Variants in GNA12 observed in about 807,000 individuals in gnomAD.
The protein encoded by GNA12 is G protein subunit alpha 12.
A neutral mutation model predicts 26.0 loss-of-function variants in GNA12; 9 were observed. The observed-to-expected ratio is 0.35, with a 90% confidence interval of 0.21 to 0.60. The LOEUF (loss-of-function observed/expected upper bound fraction) is 0.60, where lower values mean the gene tolerates loss of function less well. Among genes scored for constraint, GNA12 ranks in the 20% least tolerant of loss-of-function variants. The pLI is 0.78. For missense variants in GNA12, 405 were observed against 525.8 expected, an observed-to-expected ratio of 0.77 and a Z score of 2.25; for synonymous variants, 264 against 219.6, an observed-to-expected ratio of 1.20 and a Z score of -1.79.
At chr7:2,786,695 A>G (rs1792369667) in intron 2 of GNA12, among the ~76,000 whole-genome samples, 1 of 152,202 alleles carries the variant, frequency 6.6e-6, no homozygotes, top group Non-Finnish European at 1.5e-5. Context: ...ATTAAACACT[A>G]ATCGAATGCT....
chr7:2,741,503 T>C (rs569582825), intron 2 of GNA12, among the ~76,000 whole-genome samples: 8 of 152,284 alleles, frequency 5.3e-5, no homozygotes, highest in African/African-American at 1.9e-4. Context: ...TTTCTACTTT[T>C]TGGGGAAATT....
chr7:2,761,528 G>C (rs1045831397), intron 2 of GNA12, among the ~76,000 whole-genome samples: 1 of 152,182 alleles, frequency 6.6e-6, no homozygotes, highest in African/African-American at 2.4e-5. Context: ...AAAAGAGCTG[G>C]AACGGACAGC....
At chr7:2,733,732 G>C (rs1562391840) in intron 2 of GNA12, among the ~76,000 whole-genome samples, 1 of 152,236 alleles carries the variant, frequency 6.6e-6, no homozygotes. Flanking sequence ...AATTCTGGCT[G>C]TTTTTCAATT....
intron 2 of GNA12, among the ~76,000 whole-genome samples, chr7:2,774,800 T>C (rs971759103): frequency 2.6e-5 from 4 of 152,150 alleles, no homozygotes; most frequent in East Asian, 1.9e-4. Flanking sequence ...TACTTGTTTT[T>C]CCCCCCTTTT....
rs565285771 is a variant in GNA12, at chr7:2,791,346, G to A, written c.525+3582C>T. Among the ~76,000 whole-genome samples the A allele has an allele frequency of 5.4e-4, 82 of 152,332 alleles. 1 individual carries two copies. Among genetic ancestry groups the A allele is most frequent in the Admixed American group, 2.0e-3 (30 of 15,306 alleles). ...CAGTGGACAGCAATGGCCAGGCATGGCAAGGGGCCAGTGGGGAAGGCGGCC... is the reference window on the plus strand; with the variant it reads ...CAGTGGACAGCAATGGCCAGGCATGACAAGGGGCCAGTGGGGAAGGCGGCC... On this transcript the variant is annotated intron_variant, in intron 2 of 3. Coordinates refer to ENST00000275364, the MANE Select transcript of GNA12 (RefSeq NM_007353.3).
intron 1 of GNA12, among the ~76,000 whole-genome samples, chr7:2,824,570 A>G (rs1437046912): frequency 2.0e-5 from 3 of 152,106 alleles, no homozygotes; most frequent in African/African-American, 7.2e-5. Context: ...TCTGTTTCCC[A>G]CACTAGAATG....
chr7:2,814,370 T>C (rs1438870946), intron 1 of GNA12: 3 of 1,598,950 alleles, frequency 1.9e-6, no homozygotes, highest in South Asian at 1.1e-5. Flanking sequence ...TCGGTTTCCA[T>C]CTGGTGTGCT....
At chr7:2,837,212 G>T (rs1778862703) in intron 1 of GNA12, among the ~76,000 whole-genome samples, 1 of 151,920 alleles carries the variant, frequency 6.6e-6, no homozygotes, top group Non-Finnish European at 1.5e-5. Context: ...AGAGGGGATG[G>T]GAGGGTGGGA....
At chr7:2,777,675 C>T (rs997763133) in intron 2 of GNA12, among the ~76,000 whole-genome samples, 4 of 152,152 alleles carry the variant, frequency 2.6e-5, no homozygotes, top group Admixed American at 1.3e-4. Flanking sequence ...GAGCCCTCAC[C>T]AGGAACCCCA....
intron 1 of GNA12, among the ~76,000 whole-genome samples, chr7:2,799,131 A>G (rs1184256562): frequency 6.6e-6 from 1 of 152,230 alleles, no homozygotes; most frequent in Non-Finnish European, 1.5e-5. Context: ...AAAATTATCA[A>G]TAAATTGAAC....
intron 2 of GNA12, among the ~76,000 whole-genome samples, chr7:2,761,743 G>C (rs1181152836): frequency 6.6e-6 from 1 of 152,084 alleles, no homozygotes; most frequent in African/African-American, 2.4e-5. Flanking sequence ...TGACAAGATG[G>C]GCCACTGGAA....
At chr7:2,814,635 C>T (rs1793170894) in intron 1 of GNA12, among the ~76,000 whole-genome samples, 3 of 133,716 alleles carry the variant, frequency 2.2e-5, no homozygotes, top group African/African-American at 2.8e-5. Context: ...CTTTTCCTGC[C>T]TTTTTTTTTT....
intron 1 of GNA12, among the ~76,000 whole-genome samples, chr7:2,832,670 G>C (rs1464969590): frequency 6.6e-6 from 1 of 152,152 alleles, no homozygotes; most frequent in Non-Finnish European, 1.5e-5. Flanking sequence ...GATTTAACAG[G>C]GCCATGTGAC....
chr7:2,815,289 G>C (rs965175900), intron 1 of GNA12: 156 of 230,400 alleles, frequency 6.8e-4, no homozygotes, highest in Non-Finnish European at 4.3e-4. Flanking sequence ...GGCTCAGGAG[G>C]AGGCATTTAC....
rs559778554 is a variant in GNA12, at chr7:2,740,393, G to A, written c.526-6892C>T. Among the ~76,000 whole-genome samples, 156 of 152,196 alleles carry A rather than the reference G, an allele frequency of 1.0e-3. 1 individual carries two copies. The highest frequency in any genetic ancestry group is 3.6e-3 in the African/African-American group (149 of 41,542). ...ACCGGAGAGCTCTCCCTCTCACTCC[G>A]TCCTATGTGAGGCACCAGGACACAG... On this transcript the variant is annotated intron_variant, in intron 2 of 3. Transcript: ENST00000275364.
At chr7:2,794,886 A>C in intron 2 of GNA12, 42 bp downstream of exon 2, 1 of 1,395,868 alleles carries the variant, frequency 7.2e-7, no homozygotes, top group Non-Finnish European at 1.0e-6. Context: ...TCATGTAAAA[A>C]ACACACTATC....
chr7:2,827,189 C>G (rs1273537058), intron 1 of GNA12, among the ~76,000 whole-genome samples: 1 of 152,062 alleles, frequency 6.6e-6, no homozygotes, highest in Non-Finnish European at 1.5e-5. Context: ...TAGGTAAATT[C>G]ATGGAGACAG....
At chr7:2,751,727 CA>C (rs1464402496) in intron 2 of GNA12, among the ~76,000 whole-genome samples, 4 of 152,174 alleles carry the variant, frequency 2.6e-5, no homozygotes, top group Non-Finnish European at 5.9e-5. Flanking sequence ...GAGAATGTTC[CA>C]AACAACTTTA....
chr7:2,794,281 C>T (rs1285569860), intron 2 of GNA12, among the ~76,000 whole-genome samples: 2 of 151,932 alleles, frequency 1.3e-5, no homozygotes, highest in African/African-American at 4.8e-5. Flanking sequence ...TTCTGGATAC[C>T]CTGGGTGTGT....
Sources: gnomAD v4.1 joint callset for allele counts (sites outside exome capture counted in the v4.1 genomes callset) on GRCh38, gnomAD v4.1.1 for gene constraint, MANE v1.5 for transcripts, NCBI Gene and HGNC (gene_info 2026-07-23, HGNC 2026-07-21) for gene names.